FSTL5: variants seen among roughly 807,000 people sequenced by gnomAD.
FSTL5 encodes the protein follistatin-related protein 5.
A neutral mutation model predicts 89.1 loss-of-function variants in FSTL5; 62 were observed. That is an observed-to-expected ratio of 0.70 (90% CI 0.57 to 0.86). The LOEUF is 0.86. Ranked by LOEUF, FSTL5 falls within the 40% of genes least tolerant of loss-of-function variation. The pLI is 0.00. For synonymous variants in FSTL5, 383 were observed against 346.2 expected (o/e 1.11, Z -1.18); for missense variants, 1,057 against 1,001.6 (o/e 1.06, Z -0.75).
chr4:162,003,118 T>TG (rs1191118726), intron 3 of FSTL5, among the ~76,000 whole-genome samples: 1 of 152,102 alleles, frequency 6.6e-6, no homozygotes, highest in African/African-American at 2.4e-5. Context: ...TGCTTCTGCC[T>TG]GGGGGACAGA....
Position 161,415,534 on chromosome 4 carries a change from C to T in FSTL5, c.1842-29085G>A, listed in dbSNP as rs118159076. 1.6e-4 allele frequency among the ~76,000 whole-genome samples: 25 copies of T among 152,110 alleles called. No individual in the cohort carries two copies. The East Asian group carries it at 1.7e-3, about 11-fold the overall frequency. On this transcript the variant is annotated intron_variant, in intron 15 of 15. Coordinates refer to ENST00000306100, the MANE Select transcript of FSTL5 (RefSeq NM_020116.5). ...CCTCCCAAAGTGCTGGGATTTCAGGCGTGAGTCACCACGCTCGGCCGTCTC... is the reference window on the plus strand; with the variant it reads ...CCTCCCAAAGTGCTGGGATTTCAGGTGTGAGTCACCACGCTCGGCCGTCTC...
At chr4:161,584,718 G>A (rs1278376313) in intron 8 of FSTL5, among the ~76,000 whole-genome samples, 1 of 152,080 alleles carries the variant, frequency 6.6e-6, no homozygotes, top group African/African-American at 2.4e-5. Context: ...GTTAATAATT[G>A]CACACAAGTA....
chr4:161,559,599 T>C (rs1334028728), intron 8 of FSTL5, among the ~76,000 whole-genome samples: 1 of 152,028 alleles, frequency 6.6e-6, no homozygotes, highest in East Asian at 1.9e-4. Flanking sequence ...TACTGTTTTC[T>C]ACTTCTCTCT....
At chr4:161,875,155 T>C (rs1391592196) in intron 4 of FSTL5, among the ~76,000 whole-genome samples, 2 of 152,190 alleles carry the variant, frequency 1.3e-5, no homozygotes, top group African/African-American at 4.8e-5. Context: ...TATATTCTTT[T>C]ATTTGGAGGC....
chr4:161,968,762 C>T lies in FSTL5; in HGVS notation c.161-48110G>A, dbSNP rs17041799. On this transcript the variant is annotated intron_variant, in intron 3 of 15. Coordinates refer to ENST00000306100, the MANE Select transcript of FSTL5 (RefSeq NM_020116.5). ...TGCCAGTCAAGATTGTCGCAAACAT[C>T]TTGATTATTCAAAGTTAATATTTGG... Among the ~76,000 whole-genome samples, 1,511 of 152,162 alleles carry T rather than the reference C, an allele frequency of 9.9e-3. 24 individuals are homozygous for T. The highest frequency in any genetic ancestry group is 0.034 in the African/African-American group (1,412 of 41,514).
chr4:161,752,207 T>C lies in FSTL5; in HGVS notation c.727+7204A>G, dbSNP rs186896818. On this transcript the variant is annotated intron_variant, in intron 6 of 15. Transcript: ENST00000306100. ...GTGAAACCACTATAGATGTTAAATA[T>C]AGACAGATGATAGATGGACAGATAG... 2.7e-3 allele frequency among the ~76,000 whole-genome samples: 406 copies of C among 150,720 alleles called. 4 individuals are homozygous for C. Among genetic ancestry groups the C allele is most frequent in the African/African-American group, 9.0e-3 (370 of 40,906 alleles).
intron 3 of FSTL5, among the ~76,000 whole-genome samples, chr4:162,023,337 T>C (rs1354266337): frequency 6.6e-6 from 1 of 152,170 alleles, no homozygotes; most frequent in Non-Finnish European, 1.5e-5. Flanking sequence ...TATGAAGCAT[T>C]ACTACATCTA....
chr4:161,892,019 G>A (rs556944874), intron 4 of FSTL5, among the ~76,000 whole-genome samples: 36 of 151,566 alleles, frequency 2.4e-4, no homozygotes, highest in Non-Finnish European at 2.5e-4. Context: ...TTTTACTTTC[G>A]TATATATGGG....
At chr4:161,649,808 A>G (rs1736274870) in intron 7 of FSTL5, among the ~76,000 whole-genome samples, 2 of 152,192 alleles carry the variant, frequency 1.3e-5, no homozygotes, top group African/African-American at 2.4e-5. Context: ...ATATCCAGGA[A>G]GACTCTTTAC....
chr4:161,705,678 T>A (rs1738541842), intron 6 of FSTL5, among the ~76,000 whole-genome samples: 1 of 151,806 alleles, frequency 6.6e-6, no homozygotes, highest in Admixed American at 6.6e-5. Context: ...TTTGCTCACC[T>A]AAAAATTATT....
At chr4:161,963,907 A>G in intron 3 of FSTL5, among the ~76,000 whole-genome samples, 1 of 152,092 alleles carries the variant, frequency 6.6e-6, no homozygotes, top group African/African-American at 2.4e-5. Context: ...TGATTGTAAT[A>G]GTGATCTTAT....
At chr4:161,585,419 C>A (rs933440392) in intron 8 of FSTL5, among the ~76,000 whole-genome samples, 1 of 152,084 alleles carries the variant, frequency 6.6e-6, no homozygotes, top group Non-Finnish European at 1.5e-5. Context: ...CACTTGTGAT[C>A]TTTTCTTTTA....
At chr4:161,633,765 A>G (rs138219457) in intron 7 of FSTL5, among the ~76,000 whole-genome samples, 119 of 152,324 alleles carry the variant, frequency 7.8e-4, no homozygotes, top group African/African-American at 2.6e-3. Flanking sequence ...TAAAACAGTA[A>G]AAACACAAAT....
intron 3 of FSTL5, among the ~76,000 whole-genome samples, chr4:161,968,786 G>T (rs1031059876): frequency 6.6e-6 from 1 of 151,886 alleles, no homozygotes; most frequent in African/African-American, 2.4e-5. Context: ...GTTAATATTT[G>T]GTTTATATTG....
intron 13 of FSTL5, among the ~76,000 whole-genome samples, chr4:161,470,461 C>T (rs1733897462): frequency 6.6e-6 from 1 of 152,098 alleles, no homozygotes; most frequent in African/African-American, 2.4e-5. Flanking sequence ...TGTCTTTATG[C>T]TAGTACTACA....
intron 6 of FSTL5, among the ~76,000 whole-genome samples, chr4:161,699,546 G>A (rs141904941): frequency 1.3e-3 from 191 of 152,200 alleles, no homozygotes; most frequent in African/African-American, 4.2e-3. Context: ...ATTGCAGGCT[G>A]TTTTCAGGTA....
intron 2 of FSTL5, among the ~76,000 whole-genome samples, chr4:162,049,073 G>A (rs1263333931): frequency 6.6e-6 from 1 of 152,100 alleles, no homozygotes; most frequent in Non-Finnish European, 1.5e-5. Flanking sequence ...ATATATATAT[G>A]AGTTTAATAA....
chr4:161,976,334 T>C (rs1427092976), intron 3 of FSTL5, among the ~76,000 whole-genome samples: 1 of 152,128 alleles, frequency 6.6e-6, no homozygotes, highest in Non-Finnish European at 1.5e-5. Context: ...GAGTGATTAA[T>C]TCAAGATATG....
chr4:161,573,802 G>T (rs1156575815), intron 8 of FSTL5, among the ~76,000 whole-genome samples: 1 of 137,866 alleles, frequency 7.3e-6, no homozygotes, highest in African/African-American at 2.7e-5. Context: ...AGAAAAGAAA[G>T]AAAACAAAAG....
Sources: gnomAD v4.1 joint callset for allele counts (sites outside exome capture counted in the v4.1 genomes callset) on GRCh38, gnomAD v4.1.1 for gene constraint, MANE v1.5 for transcripts, NCBI Gene and HGNC (gene_info 2026-07-23, HGNC 2026-07-21) for gene names.